The following RARB variants were observed in gnomAD, a reference collection of about 807,000 sequenced individuals.
RARB encodes HBV-activated protein.
A neutral mutation model predicts 51.9 loss-of-function variants in RARB; 17 were observed. That is an observed-to-expected ratio of 0.33 (90% CI 0.22 to 0.49). The LOEUF (loss-of-function observed/expected upper bound fraction) is 0.49, where lower values mean the gene tolerates loss of function less well. Among genes scored for constraint, RARB ranks in the 20% least tolerant of loss-of-function variants. The pLI is 0.99. For missense variants in RARB, 369 were observed against 550.8 expected (o/e 0.67, Z 3.30); for synonymous variants, 215 against 195.4 (o/e 1.10, Z -0.84).
At chr3:24,866,200 T>C (rs887770339) in intron 2 of RARB, among the ~76,000 whole-genome samples, 4 of 152,090 alleles carry the variant, frequency 2.6e-5, no homozygotes, top group African/African-American at 9.7e-5. Context: ...CATTCTCTTA[T>C]GCTTTCCATT....
intron 3 of RARB, among the ~76,000 whole-genome samples, chr3:25,553,670 C>T (rs994307784): frequency 1.3e-5 from 2 of 152,144 alleles, no homozygotes; most frequent in Non-Finnish European, 1.5e-5. Context: ...AGGCATTTGG[C>T]GTGCATCTGT....
chr3:24,964,153 T>C (rs1213910517), intron 2 of RARB, among the ~76,000 whole-genome samples: 1 of 147,292 alleles, frequency 6.8e-6, no homozygotes, highest in Non-Finnish European at 1.5e-5. Context: ...CCACATACTG[T>C]ATAAGGTATA....
chr3:25,418,993 G>A (rs1057365150), intron 5 of RARB, among the ~76,000 whole-genome samples: 4 of 149,576 alleles, frequency 2.7e-5, no homozygotes, highest in African/African-American at 9.8e-5. Flanking sequence ...AGTTTTATGT[G>A]ACACAAGAGC....
At chr3:25,162,192 C>T (rs147345164) in intron 4 of RARB, among the ~76,000 whole-genome samples, 101 of 152,310 alleles carry the variant, frequency 6.6e-4, no homozygotes, top group African/African-American at 2.3e-3. Flanking sequence ...CAGCCTCAAC[C>T]TCCTGGGGTC....
chr3:25,160,769 T>A (rs1055027060), intron 4 of RARB, among the ~76,000 whole-genome samples: 1 of 152,202 alleles, frequency 6.6e-6, no homozygotes, highest in South Asian at 2.1e-4. Context: ...CCGCCATGGT[T>A]CGTTCTTTCA....
intron 4 of RARB, among the ~76,000 whole-genome samples, chr3:25,571,229 T>C (rs143448480): frequency 5.8e-4 from 89 of 152,348 alleles, no homozygotes; most frequent in African/African-American, 2.0e-3. Context: ...GAAGCAGAGG[T>C]AGAACCTTGA....
intron 5 of RARB, among the ~76,000 whole-genome samples, chr3:25,397,026 G>A (rs1304592810): frequency 2.0e-5 from 3 of 152,132 alleles, no homozygotes; most frequent in Non-Finnish European, 4.4e-5. Flanking sequence ...TTTCTTGCGC[G>A]CATATCTGCA....
chr3:25,283,554 C>A (rs1158398167), intron 5 of RARB, among the ~76,000 whole-genome samples: 1 of 152,164 alleles, frequency 6.6e-6, no homozygotes, highest in Non-Finnish European at 1.5e-5. Context: ...AGAGGTGGCT[C>A]ATTGGAGTCT....
At chr3:25,005,282 G>T (rs907451806) in intron 2 of RARB, among the ~76,000 whole-genome samples, 2 of 152,202 alleles carry the variant, frequency 1.3e-5, no homozygotes, top group Admixed American at 6.5e-5. Context: ...ACACCAATAC[G>T]TAGTGCTCTA....
chr3:24,935,260 A>G (rs1231359030), intron 2 of RARB, among the ~76,000 whole-genome samples: 2 of 152,134 alleles, frequency 1.3e-5, no homozygotes, highest in Admixed American at 6.6e-5. Context: ...CTACATGTGT[A>G]TATTAATATA....
chr3:25,588,204 A>G (rs1407782835), intron 5 of RARB, among the ~76,000 whole-genome samples: 2 of 152,232 alleles, frequency 1.3e-5, no homozygotes, highest in African/African-American at 4.8e-5. Context: ...TGCTGTGTAC[A>G]CTCATATGGG....
chr3:25,440,696 C>T (rs1262564049), intron 1 of RARB, among the ~76,000 whole-genome samples: 6 of 151,668 alleles, frequency 4.0e-5, no homozygotes, highest in Non-Finnish European at 5.9e-5. Context: ...TCGCTTGAAC[C>T]GGGGAGGCGG....
rs1052362795 is a variant in RARB at position 25,202,564 on chromosome 3, G to A, written c.178+27989G>A. Among the ~76,000 whole-genome samples, 43 of 152,100 alleles carry A rather than the reference G, an allele frequency of 2.8e-4. No homozygotes were observed. In the East Asian group the frequency reaches 3.9e-3, roughly 14 times the overall value. On this transcript the variant is annotated intron_variant, in intron 5 of 11. Coordinates refer to the RARB transcript ENST00000383772. ...TTAGATCTTTCCTGCTTTGTCTTGC[G>A]GGCATTTAGTGCTATAAATTTCCCT... is the stretch of plus-strand genomic sequence containing the variant.
rs1236493953 is a variant in RARB, at chr3:25,461,278, C to T, written c.243C>T (p.Cys81=). The change falls in exon 2 of 8, where the codon TGC becomes TGT. Residue 81 remains cysteine, a synonymous_variant. Coordinates refer to ENST00000330688, the MANE Select transcript of RARB (RefSeq NM_000965.5). The part of the protein sequence containing the change: ...PLPPPRVYKP[C]FVCQDKSSGY... ...CTCCCCCTCGAGTGTACAAACCCTG[C>T]TTCGTCTGCCAGGACAAATCATCAG... The T allele has an allele frequency of 1.2e-6, 2 of 1,614,104 alleles. No homozygotes were observed. Among genetic ancestry groups the T allele is most frequent in the Non-Finnish European group, 1.7e-6 (2 of 1,180,010 alleles).
chr3:24,902,389 C>T (rs1019896836), intron 2 of RARB, among the ~76,000 whole-genome samples: 1 of 151,658 alleles, frequency 6.6e-6, no homozygotes, highest in Non-Finnish European at 1.5e-5. Context: ...CATCCATCCT[C>T]AGTTGACACC....
At chr3:25,335,458 C>G (rs368094043) in intron 5 of RARB, among the ~76,000 whole-genome samples, 1 of 152,178 alleles carries the variant, frequency 6.6e-6, no homozygotes, top group African/African-American at 2.4e-5. Flanking sequence ...CTCTGTGGCC[C>G]GGCATGTTGG....
intron 5 of RARB, among the ~76,000 whole-genome samples, chr3:25,182,278 GAGGA>G (rs1163669943): frequency 6.6e-6 from 1 of 152,226 alleles, no homozygotes; most frequent in Non-Finnish European, 1.5e-5. Context: ...TAGCTGTTGA[GAGGA>G]AGGGAGTTAA....
chr3:25,212,532 C>T (rs1431273640), intron 5 of RARB, among the ~76,000 whole-genome samples: 1 of 152,150 alleles, frequency 6.6e-6, no homozygotes, highest in Admixed American at 6.5e-5. Context: ...GCAGAAGGAT[C>T]GCTTGAACCC....
chr3:25,558,233 C>G (rs1700135101), intron 3 of RARB, among the ~76,000 whole-genome samples: 1 of 152,194 alleles, frequency 6.6e-6, no homozygotes, highest in African/African-American at 2.4e-5. Flanking sequence ...CTGGCCTCCT[C>G]TTAACCTTCC....
Sources: allele counts gnomAD v4.1 joint callset (sites outside exome capture counted in the v4.1 genomes callset), GRCh38; gene constraint gnomAD v4.1.1; transcripts MANE v1.5; gene names NCBI Gene and HGNC (gene_info 2026-07-23, HGNC 2026-07-21).